B4GALNT3: variants seen among roughly 807,000 people sequenced by gnomAD.
The protein encoded by B4GALNT3 is beta-1,4-N-acetyl-galactosaminyltransferase 3.
Under a neutral mutation model 120.2 loss-of-function variants are expected in B4GALNT3, and 86 were observed. That is an observed-to-expected ratio of 0.72 (90% confidence interval 0.60 to 0.86). The LOEUF (loss-of-function observed/expected upper bound fraction) is 0.86. B4GALNT3 is among the 40% of genes least tolerant of loss of function. B4GALNT3 has a pLI of 0.00. For missense variants in B4GALNT3, 1,167 were observed against 1,298.9 expected (o/e 0.90, Z 1.56); for synonymous variants, 518 against 510.4 (o/e 1.01, Z -0.20).
intron 6 of B4GALNT3, among the ~76,000 whole-genome samples, 187 bp downstream of exon 6, chr12:545,656 AGTGGGGAGGAGCGAGGT>A (rs879375191): frequency 0.015 from 2,108 of 141,648 alleles, 39 homozygotes; most frequent in Non-Finnish European, 0.025. Flanking sequence ...AGGAGTGAGG[AGTGGGGAGGAGCGAGGT>A]GTGGGGAGGA....
intron 1 of B4GALNT3, among the ~76,000 whole-genome samples, chr12:482,061 A>G (rs905421877): frequency 6.6e-6 from 1 of 152,142 alleles, no homozygotes; most frequent in Non-Finnish European, 1.5e-5. Context: ...CCCCGAGCCA[A>G]TAATCTAATT....
intron 1 of B4GALNT3, among the ~76,000 whole-genome samples, chr12:514,035 G>A (rs1378459636): frequency 6.6e-6 from 1 of 152,146 alleles, no homozygotes; most frequent in Non-Finnish European, 1.5e-5. Context: ...TTTCTGTTGG[G>A]TGTATACCTG....
intron 1 of B4GALNT3, among the ~76,000 whole-genome samples, chr12:482,012 C>G (rs7138520): frequency 0.45 from 67,685 of 151,750 alleles, 15,242 homozygotes; most frequent in Non-Finnish European, 0.49. Context: ...GTCCCCAAAT[C>G]GTTCTGGGTT....
chr12:481,063 C>G (rs183934103), intron 1 of B4GALNT3, among the ~76,000 whole-genome samples: 2 of 152,328 alleles, frequency 1.3e-5, no homozygotes, highest in East Asian at 3.9e-4. Context: ...CAGCTCCCAC[C>G]ACAAAGACCA....
chr12:509,448 A>C (rs1350108503), intron 1 of B4GALNT3, among the ~76,000 whole-genome samples: 1 of 152,174 alleles, frequency 6.6e-6, no homozygotes, highest in Non-Finnish European at 1.5e-5. Context: ...TAGGGGATTT[A>C]AATGATACTG....
chr12:515,977 A>AACAC (rs141833807), intron 1 of B4GALNT3, among the ~76,000 whole-genome samples: 38 of 151,658 alleles, frequency 2.5e-4, no homozygotes, highest in African/African-American at 8.5e-4. Flanking sequence ...CTCTACTAAA[A>AACAC]ACACACACAC....
At chr12:556,445 A>T in intron 14 of B4GALNT3, 102 bp from the exon 15 acceptor site, 1 of 1,207,500 alleles carries the variant, frequency 8.3e-7, no homozygotes, top group Non-Finnish European at 1.2e-6. Flanking sequence ...TAGGACAAAA[A>T]CCAGGGTCTC....
At chr12:538,922 A>C (rs1946887961) in intron 3 of B4GALNT3, among the ~76,000 whole-genome samples, 1 of 152,208 alleles carries the variant, frequency 6.6e-6, no homozygotes. Context: ...TCGTTTATTG[A>C]GCATCTACTA....
chr12:544,580 C>T, intron 4 of B4GALNT3, 146 bp downstream of exon 4: 1 of 749,482 alleles, frequency 1.3e-6, no homozygotes, highest in East Asian at 2.6e-5. Flanking sequence ...CATAATAGTT[C>T]CCTTGTTTCC....
At chr12:472,232 T>C (rs559032845) in intron 1 of B4GALNT3, among the ~76,000 whole-genome samples, 1 of 152,330 alleles carries the variant, frequency 6.6e-6, no homozygotes, top group East Asian at 1.9e-4. Flanking sequence ...GCCAGGTTGC[T>C]GAGTTTGGAC....
At position 556,851 on chromosome 12, in the gene B4GALNT3, C is replaced by T. The variant is rs267603554; in HGVS notation, c.2365C>T (p.His789Tyr). ...GFSWSHRAVV[H>Y]FVVPVKNQAR... is the part of the protein sequence containing the mutation. The stretch of plus-strand genomic sequence containing the variant: ...CTCCTGGAGTCACCGAGCCGTGGTC[C>T]ACTTCGTCGTGCCTGGTGAGCCTCA... Residue 789 changes from histidine to tyrosine, a missense_variant, in exon 15 of 20, where the codon CAC becomes TAC. Around this residue, in one of 3 missense-constraint regions of B4GALNT3, gnomAD observed 983 missense variants for 1,102.5 expected, o/e 0.89. Transcript: ENST00000266383. The T allele has an allele frequency of 3.1e-6, 5 of 1,604,380 alleles. No homozygotes were observed. The African/African-American group carries it at 5.4e-5, about 17-fold the overall frequency.
intron 1 of B4GALNT3, among the ~76,000 whole-genome samples, chr12:498,506 T>A (rs535020644): frequency 5.2e-4 from 71 of 137,426 alleles, no homozygotes; most frequent in Non-Finnish European, 8.1e-4. Context: ...TTTGTTCTGA[T>A]TCCTGTGTGT....
chr12:511,360 AC>A (rs1946553673), intron 1 of B4GALNT3, among the ~76,000 whole-genome samples: 1 of 83,520 alleles, frequency 1.2e-5, no homozygotes, highest in African/African-American at 5.0e-5. Context: ...TCCACCTTCC[AC>A]CTTCAACCTT....
chr12:461,415 G>A (rs546241114), intron 1 of B4GALNT3, among the ~76,000 whole-genome samples: 8 of 152,298 alleles, frequency 5.3e-5, no homozygotes, highest in Admixed American at 2.0e-4. Context: ...GCTGTGCGAG[G>A]TGGTTTTCAA....
At chr12:555,192 A>G in intron 14 of B4GALNT3, 1 of 334,664 alleles carries the variant, frequency 3.0e-6, no homozygotes, top group Non-Finnish European at 5.9e-6. Context: ...AAAAAGAAAA[A>G]GAAAGAAAAA....
At chr12:482,269 G>A (rs913911127) in intron 1 of B4GALNT3, among the ~76,000 whole-genome samples, 7 of 152,176 alleles carry the variant, frequency 4.6e-5, no homozygotes, top group Non-Finnish European at 8.8e-5. Context: ...ACACCAGTGG[G>A]GAAGCTCTGA....
intron 1 of B4GALNT3, among the ~76,000 whole-genome samples, chr12:490,752 A>T (rs547565794): frequency 8.6e-5 from 13 of 151,750 alleles, no homozygotes; most frequent in Non-Finnish European, 1.5e-4. Flanking sequence ...ATTACGGACA[A>T]CTCTACACCC....
Position 556,721 on chromosome 12 carries a change from C to T in B4GALNT3, c.2235C>T (p.Val745=), listed in dbSNP as rs139340276. The T allele has an allele frequency of 3.7e-5, 59 of 1,613,746 alleles. No homozygotes were observed. Among genetic ancestry groups the T allele is most frequent in the African/African-American group, 2.5e-4 (19 of 75,034 alleles). The change falls in exon 15 of 20, where the codon GTC becomes GTT. Residue 745 remains valine, a synonymous_variant. Coordinates refer to ENST00000266383, the MANE Select transcript of B4GALNT3 (RefSeq NM_173593.4). ...TCGATCCAGCTGGTGGGGAGGAGGT[C>T]GAGGCCCGGAACCTGCAAGGCCTGG... ...QGIDPAGGEE[V]EARNLQGLVW...
chr12:498,644 A>AC (rs111783676), intron 1 of B4GALNT3, among the ~76,000 whole-genome samples: 28,834 of 152,106 alleles, frequency 0.19, 4,031 homozygotes, highest in African/African-American at 0.36. Context: ...GATTGGAATG[A>AC]CAAGCTGAGA....
Sources: gnomAD v4.1 joint callset for allele counts (sites outside exome capture counted in the v4.1 genomes callset) on GRCh38, gnomAD v4.1.1 for gene constraint, gnomAD v4.1.1 regional missense constraint, MANE v1.5 for transcripts, NCBI Gene and HGNC (gene_info 2026-07-23, HGNC 2026-07-21) for gene names.